The following YIPF5 variants were observed in gnomAD, a reference collection of about 807,000 sequenced individuals.
The protein encoded by YIPF5 is Yip1 domain family member 5, also known as protein YIPF5.
Under a neutral mutation model 30.4 loss-of-function variants are expected in YIPF5, and 8 were observed. The observed-to-expected ratio is 0.26, with a 90% CI of 0.15 to 0.47. The LOEUF (loss-of-function observed/expected upper bound fraction) is 0.47. Among genes scored for constraint, YIPF5 ranks in the 20% least tolerant of loss-of-function variants. The probability of loss-of-function intolerance (pLI) is 0.99; values close to 1 mark genes in which losing one functional copy is unlikely to be tolerated. For synonymous variants in YIPF5, 104 were observed against 107.9 expected (o/e 0.96, Z 0.23); for missense variants, 282 against 301.8 (o/e 0.93, Z 0.49).
Position 144,158,287 on chromosome 5 carries a change from A to G in YIPF5, c.*2110T>C. The G allele has an allele frequency of 1.9e-6, 1 of 534,452 alleles. No homozygotes were observed. The highest frequency in any genetic ancestry group is 1.8e-5 in the South Asian group (1 of 55,462). The allele number at this position is 534,452 out of a possible 1,614,324, so 33.1% of individuals were successfully genotyped here. A position where few individuals can be genotyped will look rare whatever the true frequency, so the allele number is the denominator to read the frequency against. On this transcript the variant is annotated 3_prime_UTR_variant, in exon 6 of 6. Transcript: ENST00000274496. The stretch of plus-strand genomic sequence containing the variant: ...ATCAAACTCTAGAACATCAAATGCA[A>G]CTCCACTGCATAGCTGTTTTGACAG...
chr5:144,169,143 G>C (rs542614136), intron 2 of YIPF5, among the ~76,000 whole-genome samples: 6 of 152,134 alleles, frequency 3.9e-5, no homozygotes, highest in Non-Finnish European at 8.8e-5. Flanking sequence ...ATTATCTCTA[G>C]GGTCCTAAGA....
At position 144,162,403 on chromosome 5, in the gene YIPF5, TG is replaced by T. The variant is rs1175930251; in HGVS notation, c.430-5del. On this transcript the variant is annotated splice_polypyrimidine_tract_variant and splice_region_variant and intron_variant, in intron 4 of 5. Transcript: ENST00000274496. Reference sequence around the variant, plus strand: ...AGCCAAACTGGATTTTGCCAGCCTATGGGTAAAGAAGATTACAGGTTAAAGG... The same window carrying T: ...AGCCAAACTGGATTTTGCCAGCCTATGGTAAAGAAGATTACAGGTTAAAGG... 1 of 1,608,692 alleles carries T rather than the reference TG, an allele frequency of 6.2e-7. No individual in the cohort carries two copies. The highest frequency in any genetic ancestry group is 1.3e-5 in the African/African-American group (1 of 74,706).
In YIPF5 at chr5:144,158,698, T is replaced by C; in HGVS notation, c.*1699A>G. ...AAAGCCTATCAAATTACCTTCCAAA[T>C]TGCTTTTTTAAAGCAATTTGGTAAG... On this transcript the variant is annotated 3_prime_UTR_variant, in exon 6 of 6. Coordinates refer to ENST00000274496, the MANE Select transcript of YIPF5 (RefSeq NM_030799.9). 2 of 1,017,468 alleles carry C rather than the reference T, an allele frequency of 2.0e-6. No individual in the cohort carries two copies. The highest frequency in any genetic ancestry group is 2.3e-6 in the Non-Finnish European group (2 of 851,152). The allele number at this position is 1,017,468 out of a possible 1,614,324, so 63.0% of individuals were successfully genotyped here. A position where few individuals can be genotyped will look rare whatever the true frequency, so the allele number is the denominator to read the frequency against.
At chr5:144,161,378 T>C (rs1304551612) in intron 5 of YIPF5, among the ~76,000 whole-genome samples, 2 of 143,584 alleles carry the variant, frequency 1.4e-5, no homozygotes, top group African/African-American at 5.1e-5. Context: ...GTTTCGCTTT[T>C]GTTGCCCAGG....
rs1202377714 is a variant in YIPF5 at position 144,158,226 on chromosome 5, T to A, written c.*2171A>T. 1 of 320,496 alleles carries A rather than the reference T, an allele frequency of 3.1e-6. No individual in the cohort carries two copies. Among genetic ancestry groups the A allele is most frequent in the East Asian group, 1.2e-4 (1 of 8,492 alleles). 19.9% of individuals were successfully genotyped at this position (320,496 alleles called of 1,614,324 possible). A position where few individuals can be genotyped will look rare whatever the true frequency, so the allele number is the denominator to read the frequency against. On this transcript the variant is annotated 3_prime_UTR_variant, in exon 6 of 6. Transcript: ENST00000274496. Reference sequence around the variant, plus strand: ...AATATGCCTACATAACAGAGTTTGATAAGAGAAGTTTTGGCTATATACAAC... The same window carrying A: ...AATATGCCTACATAACAGAGTTTGAAAAGAGAAGTTTTGGCTATATACAAC...
chr5:144,160,507 A>C lies in YIPF5; in HGVS notation c.664T>G (p.Ser222Ala). The C allele has an allele frequency of 6.2e-7, 1 of 1,614,152 alleles. No homozygotes were observed. The highest frequency in any genetic ancestry group is 1.6e-4 in the Middle Eastern group (1 of 6,062). The change falls in exon 6 of 6, where the codon TCT (serine) becomes GCT (alanine). Residue 222 changes from serine (S) to alanine (A), a missense_variant. Coordinates refer to ENST00000274496, the MANE Select transcript of YIPF5 (RefSeq NM_030799.9). Reference sequence around the variant, plus strand: ...GCAGAAATAAATATTTTGGAAGCAGAAAAACTACACCATCCAATAATCCCA... The same window carrying C: ...GCAGAAATAAATATTTTGGAAGCAGCAAAACTACACCATCCAATAATCCCA... ...TAGIIGWCSFSASKIFISALA... is the reference protein window; with the variant it reads ...TAGIIGWCSFAASKIFISALA...
intron 4 of YIPF5, among the ~76,000 whole-genome samples, chr5:144,162,715 T>C (rs1208578040): frequency 1.3e-5 from 2 of 152,196 alleles, no homozygotes; most frequent in Non-Finnish European, 2.9e-5. Context: ...TGGATGATTT[T>C]AGGCAAATAA....
At chr5:144,164,018 T>C in intron 4 of YIPF5, 93 bp downstream of exon 4, 1 of 1,502,050 alleles carries the variant, frequency 6.7e-7, no homozygotes, top group Non-Finnish European at 9.0e-7. Flanking sequence ...ACTTGAGGTG[T>C]AAAGCGGAGT....
chr5:144,167,898 T>C (rs1752244552), intron 2 of YIPF5, among the ~76,000 whole-genome samples: 1 of 149,422 alleles, frequency 6.7e-6, no homozygotes, highest in African/African-American at 2.4e-5. Flanking sequence ...AAATATTATT[T>C]GGTTAACGGA....
chr5:144,169,883 A>C lies in YIPF5; in HGVS notation c.73T>G (p.Ser25Ala). Residue 25 changes from serine (S) to alanine (A), a missense_variant, in exon 2 of 6, where the codon TCC (serine) becomes GCC (alanine). Transcript: ENST00000274496. ...SYSIDDQSQQ[S>A]YDYGGSGGPY... is the part of the protein sequence containing the mutation. ...CCTCCACTTCCTCCATAATCATAGG[A>C]CTGCTGTGACTGATCATCGATGCTG... 6.2e-7 allele frequency: 1 copy of C among 1,614,218 alleles called. No homozygotes were observed. Among genetic ancestry groups the C allele is most frequent in the Non-Finnish European group, 8.5e-7 (1 of 1,180,036 alleles).
chr5:144,163,867 T>C (rs1202049948), intron 4 of YIPF5: 4 of 332,420 alleles, frequency 1.2e-5, no homozygotes, highest in Non-Finnish European at 2.1e-5. Context: ...TTACTATTTT[T>C]TTTTTGTTTT....
chr5:144,170,289 G>A (rs1168797948), intron 1 of YIPF5: 1 of 254,124 alleles, frequency 3.9e-6, no homozygotes, highest in Admixed American at 5.2e-5. Context: ...TTCACCTTAG[G>A]ACTGGGCTTT....
In YIPF5 at chr5:144,165,424, A is replaced by C; in HGVS notation, c.283+8T>G. The C allele has an allele frequency of 6.2e-7, 1 of 1,614,050 alleles. No homozygotes were observed. Among genetic ancestry groups the C allele is most frequent in the Non-Finnish European group, 8.5e-7 (1 of 1,179,938 alleles). On this transcript the variant is annotated splice_region_variant and intron_variant, in intron 3 of 5. Transcript: ENST00000274496. ...TTGAGTACTATCAAGTGTTGCAACA[A>C]ATCTTACCTTCTAATAAAGGTGGCT...
At chr5:144,164,410 G>A (rs761710623) in intron 3 of YIPF5, among the ~76,000 whole-genome samples, 154 bp from the exon 4 acceptor site, 2 of 151,978 alleles carry the variant, frequency 1.3e-5, no homozygotes, top group Non-Finnish European at 2.9e-5. Flanking sequence ...TATTGTGATA[G>A]GGTCTGTCTC....
At chr5:144,162,191 A>AC (rs1479017050) in intron 5 of YIPF5, 27 bp downstream of exon 5, 1 of 1,604,504 alleles carries the variant, frequency 6.2e-7, no homozygotes, top group Admixed American at 1.7e-5. Flanking sequence ...TGGTCAATCA[A>AC]CCCCCAAAAT....
chr5:144,169,613 C>T (rs988632817), intron 2 of YIPF5, among the ~76,000 whole-genome samples: 1 of 152,192 alleles, frequency 6.6e-6, no homozygotes, highest in African/African-American at 2.4e-5. Context: ...AGCTACTTTT[C>T]CATTCATGGT....
chr5:144,165,604 T>A lies in YIPF5; in HGVS notation c.111A>T (p.Lys37Asn). 6.2e-7 allele frequency: 1 copy of A among 1,613,534 alleles called. No homozygotes were observed. Among genetic ancestry groups the A allele is most frequent in the Non-Finnish European group, 8.5e-7 (1 of 1,179,564 alleles). Reference protein sequence around the residue: ...DYGGSGGPYSKQYAGYDYSQQ... With the variant: ...DYGGSGGPYSNQYAGYDYSQQ... ...GCGAATAGTCATAGCCAGCATACTG[T>A]CTATAAATGAAAGAAAGTTAAATTT... The change falls in exon 3 of 6, where the codon AAA becomes AAT. Residue 37 changes from lysine to asparagine, a missense_variant and splice_region_variant. Lys to Asn is a moderately conservative substitution (Grantham distance 94). Transcript: ENST00000274496.
intron 4 of YIPF5, 96 bp from the exon 5 acceptor site, chr5:144,162,495 G>T: frequency 8.8e-7 from 1 of 1,130,018 alleles, no homozygotes; most frequent in Non-Finnish European, 1.3e-6. Context: ...TAATTTATGA[G>T]CATCAAAATC....
Position 144,165,558 on chromosome 5 carries a change from G to C in YIPF5, c.157C>G (p.Pro53Ala), listed in dbSNP as rs369207121. 2.6e-4 allele frequency: 412 copies of C among 1,613,990 alleles called. No individual in the cohort carries two copies. The highest frequency in any genetic ancestry group is 3.4e-4 in the Non-Finnish European group (398 of 1,180,018). The stretch of plus-strand genomic sequence containing the variant: ...GGCTGTTGTGGCTGCATCATGTCTG[G>C]AGGGACAAATCTGCCTTGCTGCGAA... ...DYSQQGRFVP[P>A]DMMQPQQPYT... The change falls in exon 3 of 6, where the codon CCA becomes GCA. Residue 53 changes from proline (P) to alanine (A), a missense_variant. Coordinates refer to ENST00000274496, the MANE Select transcript of YIPF5 (RefSeq NM_030799.9).
Sources: gnomAD v4.1 joint callset for allele counts (sites outside exome capture counted in the v4.1 genomes callset) on GRCh38, gnomAD v4.1.1 for gene constraint, MANE v1.5 for transcripts, NCBI Gene and HGNC (gene_info 2026-07-23, HGNC 2026-07-21) for gene names.